The following COL23A1 variants were observed in gnomAD, a reference collection of about 807,000 sequenced individuals.
COL23A1 encodes the protein collagen alpha-1(XXIII) chain.
A neutral mutation model predicts 99.3 loss-of-function variants in COL23A1; 97 were observed. The observed-to-expected ratio is 0.98, with a 90% CI of 0.83 to 1.16. The LOEUF (loss-of-function observed/expected upper bound fraction) is 1.16. Among genes scored for constraint, COL23A1 ranks in the 50% most tolerant of loss-of-function variants. The probability of loss-of-function intolerance (pLI) is 0.00; values close to 1 mark genes in which losing one functional copy is unlikely to be tolerated. For synonymous variants in COL23A1, 320 were observed against 308.2 expected, an observed-to-expected ratio of 1.04 and a Z score of -0.40; for missense variants, 762 against 757.4, an observed-to-expected ratio of 1.01 and a Z score of -0.07.
chr5:178,492,181 A>G (rs1757967429), intron 2 of COL23A1, among the ~76,000 whole-genome samples: 2 of 152,244 alleles, frequency 1.3e-5, no homozygotes. Context: ...GAATAAAAAT[A>G]CTTGAATCAG....
intron 1 of COL23A1, among the ~76,000 whole-genome samples, chr5:178,571,841 G>A (rs1344437819): frequency 3.3e-5 from 5 of 152,206 alleles, no homozygotes; most frequent in Non-Finnish European, 7.4e-5. Flanking sequence ...AGGCCGAGGC[G>A]GGCGGATCAC....
chr5:178,522,517 C>T (rs1314447530), intron 2 of COL23A1, among the ~76,000 whole-genome samples: 1 of 152,178 alleles, frequency 6.6e-6, no homozygotes, highest in Non-Finnish European at 1.5e-5. Flanking sequence ...CAACCATCCA[C>T]AGCTGCCCTC....
chr5:178,277,941 C>T (rs543356633), intron 5 of COL23A1, among the ~76,000 whole-genome samples: 15 of 152,160 alleles, frequency 9.9e-5, no homozygotes, highest in South Asian at 4.1e-4. Flanking sequence ...ACCGGCGGGC[C>T]GGGATGTGTC....
At chr5:178,253,174 G>A (rs539228837) in intron 16 of COL23A1, among the ~76,000 whole-genome samples, 100 of 152,240 alleles carry the variant, frequency 6.6e-4, no homozygotes, top group African/African-American at 2.2e-3. Flanking sequence ...CCTGCCACCA[G>A]GGCCCAGCTG....
At chr5:178,289,081 A>G (rs565370157) in intron 4 of COL23A1, among the ~76,000 whole-genome samples, 1 of 152,222 alleles carries the variant, frequency 6.6e-6, no homozygotes, top group East Asian at 1.9e-4. Flanking sequence ...GCTGCCAAAC[A>G]TCGCTTGAAG....
intron 2 of COL23A1, among the ~76,000 whole-genome samples, chr5:178,329,146 C>T (rs988597576): frequency 2.0e-5 from 3 of 152,202 alleles, no homozygotes; most frequent in Admixed American, 1.3e-4. Context: ...CTCACTGTCC[C>T]CCATAGCCTG....
intron 2 of COL23A1, among the ~76,000 whole-genome samples, chr5:178,431,504 C>G (rs1271412654): frequency 6.6e-6 from 1 of 152,182 alleles, no homozygotes; most frequent in African/African-American, 2.4e-5. Context: ...GGAGACTATT[C>G]TAGATTAGTT....
At chr5:178,408,912 G>A (rs1430362866) in intron 2 of COL23A1, among the ~76,000 whole-genome samples, 3 of 145,340 alleles carry the variant, frequency 2.1e-5, no homozygotes, top group African/African-American at 7.8e-5. Context: ...CCAAGACCGT[G>A]CCACTGCACT....
At chr5:178,282,524 G>A (rs1756953030) in intron 5 of COL23A1, among the ~76,000 whole-genome samples, 1 of 152,218 alleles carries the variant, frequency 6.6e-6, no homozygotes, top group South Asian at 2.1e-4. Context: ...CAGCTTGAGA[G>A]GCTGGCTGGT....
chr5:178,362,323 T>G (rs1163691733), intron 2 of COL23A1, among the ~76,000 whole-genome samples: 3 of 151,792 alleles, frequency 2.0e-5, no homozygotes, highest in African/African-American at 7.3e-5. Context: ...CCGGGGTTGG[T>G]GGGGGCATGT....
intron 2 of COL23A1, among the ~76,000 whole-genome samples, chr5:178,449,085 C>A (rs758749059): frequency 3.3e-5 from 5 of 152,144 alleles, no homozygotes; most frequent in Non-Finnish European, 7.3e-5. Context: ...CAGCCTCCAA[C>A]TCTTAAGCTC....
chr5:178,331,651 G>A (rs79494007), intron 2 of COL23A1, among the ~76,000 whole-genome samples: 5 of 152,158 alleles, frequency 3.3e-5, no homozygotes, highest in East Asian at 1.9e-4. Context: ...ACCATAGGGC[G>A]CCTGAGTTTA....
At position 178,443,447 on chromosome 5, in the gene COL23A1, G is replaced by A. The variant is rs575531146; in HGVS notation, c.361+117235C>T. ...TCTTCTTCTGGGGATGTCCAGTTCT[G>A]TAAATTTTTTGTTGTTTTTTGTTTC... On this transcript the variant is annotated intron_variant, in intron 2 of 28. Coordinates refer to ENST00000390654, the MANE Select transcript of COL23A1 (RefSeq NM_173465.4). Among the ~76,000 whole-genome samples, 218 of 152,258 alleles carry A rather than the reference G, an allele frequency of 1.4e-3. 1 individual carries two copies. Among genetic ancestry groups the A allele is most frequent in the African/African-American group, 5.0e-3 (209 of 41,578 alleles).
intron 3 of COL23A1, among the ~76,000 whole-genome samples, chr5:178,301,493 T>C (rs1214518340): frequency 6.6e-6 from 1 of 152,262 alleles, no homozygotes; most frequent in African/African-American, 2.4e-5. Context: ...TTTCCTGTCT[T>C]CTAATTTTTT....
chr5:178,478,157 A>C (rs570003897), intron 2 of COL23A1, among the ~76,000 whole-genome samples: 1 of 152,336 alleles, frequency 6.6e-6, no homozygotes, highest in Admixed American at 6.5e-5. Context: ...CCTGAACCTC[A>C]CTGGAGCATT....
intron 2 of COL23A1, among the ~76,000 whole-genome samples, chr5:178,361,009 G>T (rs143134351): frequency 2.6e-5 from 4 of 152,302 alleles, no homozygotes; most frequent in Non-Finnish European, 4.4e-5. Context: ...CACGTCTCAG[G>T]GACACACTCT....
chr5:178,366,802 C>T lies in COL23A1; in HGVS notation c.362-59883G>A, dbSNP rs933649708. On this transcript the variant is annotated intron_variant, in intron 2 of 28. Coordinates refer to ENST00000390654, the MANE Select transcript of COL23A1 (RefSeq NM_173465.4). This position sits in a 1 kb window ranked among gnomAD's most constrained non-coding sequence, Gnocchi z 4.4. ...TATTGCTGAGGCTCACAGCAGATGT[C>T]GCCTCTTCCATAAAAGCTTTTCTGA... Among the ~76,000 whole-genome samples the T allele has an allele frequency of 1.3e-5, 2 of 152,184 alleles. No homozygotes were observed. Among genetic ancestry groups the T allele is most frequent in the Admixed American group, 6.5e-5 (1 of 15,286 alleles).
intron 2 of COL23A1, among the ~76,000 whole-genome samples, chr5:178,538,447 G>C (rs1248709187): frequency 6.6e-6 from 1 of 152,138 alleles, no homozygotes; most frequent in South Asian, 2.1e-4. Flanking sequence ...AGATTCAGTA[G>C]ACATAAAATT....
intron 2 of COL23A1, chr5:178,438,619 G>C (rs917003409): frequency 2.0e-5 from 3 of 152,084 alleles, no homozygotes; most frequent in African/African-American, 7.2e-5. Context: ...ATGTAAACCA[G>C]ATGGGTTTAC....
Sources: gnomAD v4.1 joint callset for allele counts (sites outside exome capture counted in the v4.1 genomes callset) on GRCh38, gnomAD v4.1.1 for gene constraint, Gnocchi (gnomAD v3.1) non-coding constraint, MANE v1.5 for transcripts, NCBI Gene and HGNC (gene_info 2026-07-23, HGNC 2026-07-21) for gene names.